Variants in ADCY3 observed in about 807,000 individuals in gnomAD.
The protein encoded by ADCY3 is adenylate cyclase 3.
ADCY3 carries 70 observed loss-of-function variants against 119.4 expected under a neutral mutation model. The observed-to-expected ratio is 0.59, with a 90% CI of 0.48 to 0.72. The LOEUF (loss-of-function observed/expected upper bound fraction) is 0.72, where lower values mean the gene tolerates loss of function less well. Ranked by LOEUF, ADCY3 falls within the 30% of genes least tolerant of loss-of-function variation. The pLI is 0.00. For missense variants in ADCY3, 1,238 were observed against 1,541.6 expected (o/e 0.80, Z 3.30); for synonymous variants, 672 against 621.4 (o/e 1.08, Z -1.21).
rs181443208 is a variant in ADCY3 at position 24,903,014 on chromosome 2, G to A, written c.675+15299C>T. ...CCATAAAAATTAGCTTGGTGTGGTGGCGGGCGCCTATAGTCCCAGCCACTC... is the reference window on the plus strand; with the variant it reads ...CCATAAAAATTAGCTTGGTGTGGTGACGGGCGCCTATAGTCCCAGCCACTC... On this transcript the variant is annotated intron_variant, in intron 2 of 21. Transcript: ENST00000679454. 2.1e-3 allele frequency among the ~76,000 whole-genome samples: 321 copies of A among 152,170 alleles called. 2 individuals carry two copies. The highest frequency in any genetic ancestry group is 7.3e-3 in the African/African-American group (302 of 41,514).
chr2:24,884,471 CTTTTTTTTT>C (rs1201387570), intron 2 of ADCY3, among the ~76,000 whole-genome samples: 2 of 97,860 alleles, frequency 2.0e-5, no homozygotes, highest in Non-Finnish European at 3.8e-5. Flanking sequence ...TTCTAATAAT[CTTTTTTTTT>C]TTTTTTTTTT....
rs548863488 is a variant in ADCY3, at chr2:24,898,281, C to T, written c.675+20032G>A. Reference sequence around the variant, plus strand: ...CCAGTTCGTGCGCCACAGAGGCCCCCGGGGAGGCTCGAGGACCGCCTTTCC... The same window carrying T: ...CCAGTTCGTGCGCCACAGAGGCCCCTGGGGAGGCTCGAGGACCGCCTTTCC... On this transcript the variant is annotated intron_variant, in intron 2 of 21. Coordinates refer to ENST00000679454, the MANE Select transcript of ADCY3 (RefSeq NM_004036.5). The surrounding 1 kb of genome is among the most constrained non-coding windows in gnomAD (Gnocchi z 4.3). Among the ~76,000 whole-genome samples, 1 of 152,116 alleles carries T rather than the reference C, an allele frequency of 6.6e-6. No individual in the cohort carries two copies. Among genetic ancestry groups the T allele is most frequent in the South Asian group, 2.1e-4 (1 of 4,808 alleles).
At chr2:24,869,558 AC>A (rs1674712580) in intron 3 of ADCY3, among the ~76,000 whole-genome samples, 1 of 152,068 alleles carries the variant, frequency 6.6e-6, no homozygotes, top group African/African-American at 2.4e-5. Flanking sequence ...GGCATGCACC[AC>A]CACACTCAGC....
intron 3 of ADCY3, among the ~76,000 whole-genome samples, chr2:24,853,933 A>C (rs148856587): frequency 5.8e-4 from 88 of 152,386 alleles, no homozygotes; most frequent in African/African-American, 2.1e-3. Context: ...AGGATATACA[A>C]TAATCAGTAC....
In ADCY3 at chr2:24,822,719, C is replaced by T. The variant is rs987081359; in HGVS notation, c.2884-89G>A. ...ACAGATGTACCTGTTTACAAGGACCCCACTAAACCCAAGAGACACTTTCCT... is the reference window on the plus strand; with the variant it reads ...ACAGATGTACCTGTTTACAAGGACCTCACTAAACCCAAGAGACACTTTCCT... On this transcript the variant is annotated intron_variant, in intron 18 of 21. Coordinates refer to ENST00000679454, the MANE Select transcript of ADCY3 (RefSeq NM_004036.5). The T allele has an allele frequency of 3.4e-5, 52 of 1,522,778 alleles. No homozygotes were observed. The Admixed American group carries it at 9.7e-4, about 28-fold the overall frequency. The allele number at this position is 1,522,778 out of a possible 1,614,324, so 94.3% of individuals were successfully genotyped here. A position where few individuals can be genotyped will look rare whatever the true frequency, so the allele number is the denominator to read the frequency against.
intron 11 of ADCY3, among the ~76,000 whole-genome samples, 155 bp from the exon 12 acceptor site, chr2:24,831,904 CGGACAGGGGCCAGG>C (rs1490965218): frequency 3.2e-5 from 2 of 62,612 alleles, no homozygotes; most frequent in Non-Finnish European, 6.1e-5. Flanking sequence ...CAGGGGACAG[CGGACAGGGGCCAGG>C]GGACAGCGGA....
At chr2:24,839,746 C>A in intron 7 of ADCY3, 127 bp downstream of exon 7, 1 of 1,347,872 alleles carries the variant, frequency 7.4e-7, no homozygotes, top group Non-Finnish European at 1.0e-6. Context: ...AGGAGGAATG[C>A]TGTTCCGGGG....
At chr2:24,820,166 GA>G in intron 21 of ADCY3, 52 bp from the exon 22 acceptor site, 5 of 1,339,206 alleles carry the variant, frequency 3.7e-6, no homozygotes, top group East Asian at 2.5e-5. Context: ...AGCCTAGACT[GA>G]GGGCGGGTGG....
intron 2 of ADCY3, among the ~76,000 whole-genome samples, chr2:24,914,237 G>A (rs1347369107): frequency 2.6e-5 from 4 of 152,308 alleles, no homozygotes; most frequent in South Asian, 2.1e-4. Flanking sequence ...TTGGGATGGG[G>A]GACCCATGGA....
rs1677724709 is a variant in ADCY3, at chr2:24,892,126, C to A, written c.676-19407G>T. 3.9e-5 allele frequency among the ~76,000 whole-genome samples: 6 copies of A among 152,074 alleles called. No homozygotes were observed. The South Asian group carries it at 1.2e-3, about 32-fold the overall frequency. On this transcript the variant is annotated intron_variant, in intron 2 of 21. Coordinates refer to ENST00000679454, the MANE Select transcript of ADCY3 (RefSeq NM_004036.5). ...TCTAAGATCTCTTGTGATTTTTTTC[C>A]TTCCTTTAGGCATGTGTTTCCAAAT...
At chr2:24,831,926 G>T (rs867332046) in intron 11 of ADCY3, among the ~76,000 whole-genome samples, 177 bp from the exon 12 acceptor site, 1 of 72,088 alleles carries the variant, frequency 1.4e-5, no homozygotes, top group African/African-American at 4.5e-5. Flanking sequence ...AGGGGACAGC[G>T]GACAGTGGCC....
At chr2:24,840,720 C>T in intron 6 of ADCY3, 2 of 356,676 alleles carry the variant, frequency 5.6e-6, no homozygotes, top group South Asian at 4.4e-5. Flanking sequence ...TGCAAGCCCA[C>T]TTGGAGCAGG....
intron 2 of ADCY3, among the ~76,000 whole-genome samples, chr2:24,875,686 G>A (rs1675604621): frequency 6.6e-6 from 1 of 152,174 alleles, no homozygotes; most frequent in African/African-American, 2.4e-5. Context: ...CCCGGCCTCA[G>A]TTTCCTCACC....
chr2:24,837,682 C>T (rs1422748470), intron 8 of ADCY3, among the ~76,000 whole-genome samples: 1 of 152,182 alleles, frequency 6.6e-6, no homozygotes, highest in Non-Finnish European at 1.5e-5. Context: ...AAAAATAAGA[C>T]AACCTCCAGA....
chr2:24,830,594 C>T, intron 13 of ADCY3, 115 bp downstream of exon 13: 1 of 767,466 alleles, frequency 1.3e-6, no homozygotes. Flanking sequence ...AAGAGCCACT[C>T]CAAAGCTACA....
intron 2 of ADCY3, among the ~76,000 whole-genome samples, chr2:24,914,357 G>T (rs1432909915): frequency 6.6e-6 from 1 of 152,194 alleles, no homozygotes; most frequent in Non-Finnish European, 1.5e-5. Context: ...CAGTGAACCA[G>T]TTATCACCCA....
At chr2:24,906,958 C>T (rs1457697998) in intron 2 of ADCY3, among the ~76,000 whole-genome samples, 1 of 152,042 alleles carries the variant, frequency 6.6e-6, no homozygotes. Flanking sequence ...TGGTGAAACC[C>T]CACCTCTACT....
Position 24,872,848 on chromosome 2 carries a change from C to T in ADCY3, c.676-129G>A. The T allele has an allele frequency of 9.1e-7, 1 of 1,099,198 alleles. No individual in the cohort carries two copies. Among genetic ancestry groups the T allele is most frequent in the Non-Finnish European group, 1.3e-6 (1 of 767,290 alleles). 68.1% of individuals were successfully genotyped at this position (1,099,198 alleles called of 1,614,324 possible). A position where few individuals can be genotyped will look rare whatever the true frequency, so the allele number is the denominator to read the frequency against. On this transcript the variant is annotated intron_variant, in intron 2 of 21. Transcript: ENST00000679454. This position sits in a 1 kb window ranked among gnomAD's most constrained non-coding sequence, Gnocchi z 4.4. The stretch of plus-strand genomic sequence containing the variant: ...ATCAAACCTCAAGTTGCCCAATGTC[C>T]AGGGAGGGGCCCAGCACAGCCTTGG...
intron 2 of ADCY3, among the ~76,000 whole-genome samples, chr2:24,884,937 G>A (rs560061766): frequency 8.5e-5 from 13 of 152,222 alleles, no homozygotes; most frequent in South Asian, 2.1e-4. Context: ...TGTCTCCTGC[G>A]TTTAATTCAG....
Sources: allele counts gnomAD v4.1 joint callset (sites outside exome capture counted in the v4.1 genomes callset), GRCh38; gene constraint gnomAD v4.1.1; non-coding constraint Gnocchi (gnomAD v3.1); transcripts MANE v1.5; gene names NCBI Gene and HGNC (gene_info 2026-07-23, HGNC 2026-07-21).